KAT2B: variants seen among roughly 807,000 people sequenced by gnomAD.
KAT2B encodes the protein lysine acetyltransferase 2B.
Under a neutral mutation model 105.9 loss-of-function variants are expected in KAT2B, and 36 were observed. The observed-to-expected ratio is 0.34, with a 90% CI of 0.26 to 0.45. The LOEUF is 0.45. KAT2B is among the 20% of genes least tolerant of loss of function. KAT2B has a pLI of 1.00. For missense variants in KAT2B, 820 were observed against 1,021.6 expected (o/e 0.80, Z 2.69); for synonymous variants, 397 against 377.9 (o/e 1.05, Z -0.59).
At position 20,142,333 on chromosome 3, in the gene KAT2B, C is replaced by T. The variant is rs116854133; in HGVS notation, c.2004+1969C>T. On this transcript the variant is annotated intron_variant, in intron 13 of 17. Coordinates refer to ENST00000263754, the MANE Select transcript of KAT2B (RefSeq NM_003884.5). ...GTGATGGAGGTTTGGAGATCTTAAC[C>T]TAGTTTTTAAAAAAGCTATCTGAAG... 3.3e-5 allele frequency among the ~76,000 whole-genome samples: 5 copies of T among 152,222 alleles called. No individual in the cohort carries two copies. In the East Asian group the frequency reaches 9.7e-4, roughly 29 times the overall value.
intron 5 of KAT2B, among the ~76,000 whole-genome samples, chr3:20,104,291 TC>T (rs1698960617): frequency 6.6e-6 from 1 of 152,154 alleles, no homozygotes; most frequent in Non-Finnish European, 1.5e-5. Flanking sequence ...CGTGCTGATT[TC>T]TAGGTGAAAT....
intron 3 of KAT2B, 87 bp from the exon 4 acceptor site, chr3:20,099,775 G>T: frequency 1.5e-6 from 1 of 676,104 alleles, no homozygotes; most frequent in Non-Finnish European, 2.6e-6. Flanking sequence ...GAGAGAGAGA[G>T]ACAGACAGAA....
At position 20,152,572 on chromosome 3, in the gene KAT2B, A is replaced by G; in HGVS notation, c.*47A>G. The stretch of plus-strand genomic sequence containing the variant: ...TAGAAACTCACCAAGCAGTGTGCCT[A>G]AAGCAAGGTGGTTTAGTTTTTTACA... On this transcript the variant is annotated 3_prime_UTR_variant, in exon 18 of 18. Coordinates refer to ENST00000263754, the MANE Select transcript of KAT2B (RefSeq NM_003884.5). 1 of 1,479,010 alleles carries G rather than the reference A, an allele frequency of 6.8e-7. No homozygotes were observed. Among genetic ancestry groups the G allele is most frequent in the Non-Finnish European group, 9.3e-7 (1 of 1,070,576 alleles). The allele number at this position is 1,479,010 out of a possible 1,614,324, so 91.6% of individuals were successfully genotyped here.
At chr3:20,094,321 C>T (rs1480115513) in intron 2 of KAT2B, among the ~76,000 whole-genome samples, 1 of 152,082 alleles carries the variant, frequency 6.6e-6, no homozygotes, top group Non-Finnish European at 1.5e-5. Context: ...CTCATGAGAA[C>T]TCACTATCAT....
chr3:20,121,080 G>A (rs1699299493), intron 8 of KAT2B, among the ~76,000 whole-genome samples: 1 of 152,038 alleles, frequency 6.6e-6, no homozygotes, highest in African/African-American at 2.4e-5. Flanking sequence ...ATTACTCTTA[G>A]GGAATCATGG....
At chr3:20,118,808 T>C (rs889948212) in intron 7 of KAT2B, among the ~76,000 whole-genome samples, 10 of 147,656 alleles carry the variant, frequency 6.8e-5, no homozygotes, top group Non-Finnish European at 1.2e-4. Context: ...AATACAAATA[T>C]ATATTATATA....
At chr3:20,095,912 T>G (rs1277763073) in intron 3 of KAT2B, among the ~76,000 whole-genome samples, 1 of 151,842 alleles carries the variant, frequency 6.6e-6, no homozygotes, top group Non-Finnish European at 1.5e-5. Context: ...GCGAGGAAGG[T>G]CAGTTAGGAT....
At chr3:20,118,328 T>TTGTGTGTGTG (rs10558647) in intron 7 of KAT2B, among the ~76,000 whole-genome samples, 3 of 139,198 alleles carry the variant, frequency 2.2e-5, no homozygotes, top group Non-Finnish European at 3.1e-5. Context: ...TCTCCTAAAT[T>TTGTGTGTGTG]TGTGTGTGTG....
At position 20,096,237 on chromosome 3, in the gene KAT2B, C is replaced by T. The variant is rs142073414; in HGVS notation, c.576+829C>T. On this transcript the variant is annotated intron_variant, in intron 3 of 17. Transcript: ENST00000263754. ...GCCACTGTTACCTGTTTCTCACTGACACCAGTCACCGATTACTGCTGCCAT... is the reference window on the plus strand; with the variant it reads ...GCCACTGTTACCTGTTTCTCACTGATACCAGTCACCGATTACTGCTGCCAT... 1.1e-3 allele frequency among the ~76,000 whole-genome samples: 162 copies of T among 152,284 alleles called. 1 individual carries two copies. The highest frequency in any genetic ancestry group is 6.8e-3 in the Middle Eastern group (2 of 294).
intron 1 of KAT2B, among the ~76,000 whole-genome samples, chr3:20,059,568 G>A (rs1264209954): frequency 6.6e-6 from 1 of 151,930 alleles, no homozygotes; most frequent in African/African-American, 2.4e-5. Flanking sequence ...AGCCAGGTGT[G>A]GTGGCGGGCG....
Position 20,148,407 on chromosome 3 carries a change from A to G in KAT2B, c.2225A>G (p.His742Arg). ...LKSILQQVKS[H>R]QSAWPFMEPV... is the part of the protein sequence containing the mutation. ...TTACTTTTTTCTTTACCCAAGAGCC[A>G]TCAAAGCGCTTGGCCCTTCATGGAA... Residue 742 changes from histidine (H) to arginine (R), a missense_variant, in exon 17 of 18, where the codon CAT (histidine) becomes CGT (arginine). His to Arg is a conservative substitution (Grantham distance 29). Around this residue, in one of 6 missense-constraint regions of KAT2B, gnomAD observed 227 missense variants for 292.9 expected, o/e 0.77. Transcript: ENST00000263754. 1 of 1,610,544 alleles carries G rather than the reference A, an allele frequency of 6.2e-7. No homozygotes were observed. Among genetic ancestry groups the G allele is most frequent in the Non-Finnish European group, 8.5e-7 (1 of 1,178,878 alleles).
intron 7 of KAT2B, among the ~76,000 whole-genome samples, chr3:20,116,490 A>G (rs1699209070): frequency 6.6e-6 from 1 of 152,146 alleles, no homozygotes; most frequent in Non-Finnish European, 1.5e-5. Context: ...TGCCATTCCA[A>G]GAGAGTGTGA....
At chr3:20,070,268 C>T (rs1018981241) in intron 1 of KAT2B, among the ~76,000 whole-genome samples, 18 of 151,722 alleles carry the variant, frequency 1.2e-4, no homozygotes, top group African/African-American at 4.1e-4. Context: ...CATGACCCTT[C>T]TTACCTTGCC....
At chr3:20,127,776 T>C (rs1444939989) in intron 11 of KAT2B, among the ~76,000 whole-genome samples, 1 of 152,186 alleles carries the variant, frequency 6.6e-6, no homozygotes, top group Non-Finnish European at 1.5e-5. Context: ...GGGCTATGAT[T>C]TTGGGATGAA....
chr3:20,127,289 G>C (rs1026308217), intron 10 of KAT2B, 134 bp from the exon 11 acceptor site: 2 of 775,574 alleles, frequency 2.6e-6, no homozygotes, highest in African/African-American at 1.7e-5. Context: ...AGCGAGATAG[G>C]GGCTACATGA....
intron 1 of KAT2B, among the ~76,000 whole-genome samples, chr3:20,062,025 CAT>C (rs373975643): frequency 0.014 from 502 of 36,832 alleles, 31 homozygotes; most frequent in African/African-American, 0.11. Context: ...ATATATAAAA[CAT>C]AATATATATT....
rs542061019 is a variant in KAT2B, at chr3:20,043,883, G to C, written c.303+3103G>C. ...TTGCCACAGGCCCCTTGGCAAGTTA[G>C]ATTAGAGAGATTAGAGAATGAGGAG... is the stretch of plus-strand genomic sequence containing the variant. On this transcript the variant is annotated intron_variant, in intron 1 of 17. Coordinates refer to ENST00000263754, the MANE Select transcript of KAT2B (RefSeq NM_003884.5). 1.6e-4 allele frequency among the ~76,000 whole-genome samples: 24 copies of C among 152,150 alleles called. 1 individual carries two copies. In the South Asian group the frequency reaches 4.4e-3, roughly 28 times the overall value.
At chr3:20,141,480 C>T (rs899405965) in intron 13 of KAT2B, among the ~76,000 whole-genome samples, 1 of 152,168 alleles carries the variant, frequency 6.6e-6, no homozygotes, top group Admixed American at 6.5e-5. Context: ...TGGCTGCTCC[C>T]AGTTGGGTGG....
intron 2 of KAT2B, among the ~76,000 whole-genome samples, chr3:20,081,045 G>T (rs1698510530): frequency 6.6e-6 from 1 of 152,062 alleles, no homozygotes; most frequent in Admixed American, 6.6e-5. Context: ...TACAGAAAAT[G>T]AAACCACTTT....
Sources: allele counts gnomAD v4.1 joint callset (sites outside exome capture counted in the v4.1 genomes callset), GRCh38; gene constraint gnomAD v4.1.1; regional missense constraint gnomAD v4.1.1; transcripts MANE v1.5; gene names NCBI Gene and HGNC (gene_info 2026-07-23, HGNC 2026-07-21).